The following TMEM217B variants were observed in gnomAD, a reference collection of about 807,000 sequenced individuals.
TMEM217B encodes the protein putative transmembrane protein 217B.
At chr6:37,218,500 G>T in the TMEM217B span, 2 of 1,614,018 alleles carry the variant, frequency 1.2e-6, no homozygotes, top group Middle Eastern at 1.7e-4. Context: ...TTTTATTTCT[G>T]CTGTGGAGAA....
the TMEM217B span, among the ~76,000 whole-genome samples, chr6:37,224,651 T>G: frequency 1.2e-4 from 18 of 151,786 alleles, no homozygotes; most frequent in African/African-American, 4.3e-4. Flanking sequence ...AGACAGCATC[T>G]CGCCATGTTA....
At chr6:37,257,662 A>T in the TMEM217B span, 6 of 519,354 alleles carry the variant, frequency 1.2e-5, no homozygotes, top group Non-Finnish European at 2.1e-5. Context: ...CCAGCCCCTG[A>T]CGTTACCGGT....
At chr6:37,229,758 T>G in the TMEM217B span, among the ~76,000 whole-genome samples, 3 of 152,354 alleles carry the variant, frequency 2.0e-5, no homozygotes, top group East Asian at 3.9e-4. Context: ...ATGTGCTGAC[T>G]CTGCAGTTGG....
At chr6:37,217,975 G>C in the TMEM217B span, 2 of 988,428 alleles carry the variant, frequency 2.0e-6, no homozygotes, top group Non-Finnish European at 2.4e-6. Context: ...AGGATGTTCC[G>C]GTTGTGATTA....
At chr6:37,253,048 G>A in the TMEM217B span, among the ~76,000 whole-genome samples, 15 of 152,110 alleles carry the variant, frequency 9.9e-5, no homozygotes, top group Admixed American at 7.2e-4. Flanking sequence ...ATTTTTCCAC[G>A]TTTTCTTCCA....
At chr6:37,228,258 A>C in the TMEM217B span, among the ~76,000 whole-genome samples, 4 of 152,212 alleles carry the variant, frequency 2.6e-5, no homozygotes, top group African/African-American at 9.6e-5. Flanking sequence ...AGAAAAAGTT[A>C]CTAGGGAGTA....
the TMEM217B span, among the ~76,000 whole-genome samples, chr6:37,215,994 G>GGTGTGTGTGTGTGTGTGTGT: frequency 6.7e-6 from 1 of 149,082 alleles, no homozygotes; most frequent in Non-Finnish European, 1.5e-5. Flanking sequence ...GGTTCTTCAG[G>GGTGTGTGTGTGTGTGTGTGT]GTGTGTGTGT....
chr6:37,215,570 C>CGAAAAAAAAAA, the TMEM217B span, among the ~76,000 whole-genome samples: 40 of 72,368 alleles, frequency 5.5e-4, 1 homozygote, highest in African/African-American at 1.1e-3. Context: ...GACTCTGTCT[C>CGAAAAAAAAAA]AAAAAAAAAA....
At chr6:37,258,062 G>A in the TMEM217B span, 1 of 1,437,748 alleles carries the variant, frequency 7.0e-7, no homozygotes, top group Non-Finnish European at 9.4e-7. Context: ...GGGCGCCACA[G>A]AGGCCAGAAG....
chr6:37,252,635 ATATTTTTTT>A, the TMEM217B span, among the ~76,000 whole-genome samples: 144 of 60,380 alleles, frequency 2.4e-3, 1 homozygote, highest in Middle Eastern at 0.011. Context: ...ATATATATAT[ATATTTTTTT>A]TTTTTTTTTT....
At chr6:37,242,252 C>T in the TMEM217B span, among the ~76,000 whole-genome samples, 1 of 152,200 alleles carries the variant, frequency 6.6e-6, no homozygotes. Context: ...CATTCTGCCA[C>T]TCTGGGGTCT....
the TMEM217B span, among the ~76,000 whole-genome samples, chr6:37,216,166 T>C: frequency 1.6e-3 from 239 of 151,996 alleles, 1 homozygote; most frequent in Admixed American, 5.2e-3. Flanking sequence ...GCAACCTCCA[T>C]CTCCCAAGTT....
At chr6:37,243,710 T>C in the TMEM217B span, among the ~76,000 whole-genome samples, 9 of 152,224 alleles carry the variant, frequency 5.9e-5, no homozygotes, top group African/African-American at 2.2e-4. Context: ...GCGATTCTCC[T>C]GCCTCAGCAT....
the TMEM217B span, among the ~76,000 whole-genome samples, chr6:37,229,831 T>C: frequency 1.3e-5 from 2 of 152,232 alleles, no homozygotes; most frequent in Non-Finnish European, 1.5e-5. Flanking sequence ...CAACACACAG[T>C]TATAATAGTA....
At chr6:37,229,695 G>T in the TMEM217B span, among the ~76,000 whole-genome samples, 1,119 of 152,132 alleles carry the variant, frequency 7.4e-3, 13 homozygotes, top group African/African-American at 0.024. Context: ...TTATTATTTG[G>T]CTCATTCTAA....
the TMEM217B span, chr6:37,218,216 C>A: frequency 7.7e-7 from 1 of 1,305,622 alleles, no homozygotes; most frequent in East Asian, 3.3e-5. Context: ...GTCACTCAGG[C>A]TGAAGTGCAC....
chr6:37,221,864 C>T, the TMEM217B span, among the ~76,000 whole-genome samples: 729 of 152,306 alleles, frequency 4.8e-3, 7 homozygotes, highest in African/African-American at 0.016. Context: ...GCAAGTCATG[C>T]TAATATCTGC....
At chr6:37,228,672 C>T in the TMEM217B span, among the ~76,000 whole-genome samples, 1 of 152,010 alleles carries the variant, frequency 6.6e-6, no homozygotes, top group African/African-American at 2.4e-5. Flanking sequence ...CCACTGCACT[C>T]CAGCTTGGGC....
At chr6:37,243,995 A>G in the TMEM217B span, among the ~76,000 whole-genome samples, 1 of 152,238 alleles carries the variant, frequency 6.6e-6, no homozygotes, top group African/African-American at 2.4e-5. Context: ...TAGGTTCTAC[A>G]GTAGTGATGT....
Sources: allele counts gnomAD v4.1 joint callset (sites outside exome capture counted in the v4.1 genomes callset), GRCh38; gene constraint gnomAD v4.1.1; transcripts MANE v1.5; gene names NCBI Gene and HGNC (gene_info 2026-07-23, HGNC 2026-07-21).